CPED1: variants seen among roughly 807,000 people sequenced by gnomAD.
The protein encoded by CPED1 is cadherin like and PC-esterase domain containing 1.
CPED1 carries 114 observed loss-of-function variants against 128.2 expected under a neutral mutation model. The observed-to-expected ratio is 0.89, with a 90% confidence interval of 0.76 to 1.04. The LOEUF (loss-of-function observed/expected upper bound fraction) is 1.04. Among genes scored for constraint, CPED1 ranks in the 50% least tolerant of loss-of-function variants. CPED1 has a pLI of 0.00. For missense variants in CPED1, 1,211 were observed against 1,207.1 expected (o/e 1.00, Z -0.05); for synonymous variants, 462 against 426.7 (o/e 1.08, Z -1.02).
chr7:121,256,124 C>CAAAAAAAAA (rs1333114209), intron 18 of CPED1, among the ~76,000 whole-genome samples: 1 of 45,334 alleles, frequency 2.2e-5, no homozygotes, highest in Non-Finnish European at 5.2e-5. Context: ...AAAAAAAAAA[C>CAAAAAAAAA]AAAACAAAAA....
rs1562858235 is a variant in CPED1 at position 121,271,342 on chromosome 7, A to G, written c.2780A>G (p.His927Arg). The G allele has an allele frequency of 6.2e-7, 1 of 1,612,544 alleles. No homozygotes were observed. Among genetic ancestry groups the G allele is most frequent in the Non-Finnish European group, 8.5e-7 (1 of 1,178,884 alleles). ...NLIILDTAKK[H>R]GYEVVDTFTI... ...ATTATTCTGGATACTGCAAAAAAAC[A>G]TGGCTATGAAGTAGTTGACACATTC... is the stretch of plus-strand genomic sequence containing the variant. The change falls in exon 22 of 23, where the codon CAT becomes CGT. Residue 927 changes from histidine to arginine, a missense_variant. By Grantham distance (29) the His-to-Arg change is conservative. Coordinates refer to ENST00000310396, the MANE Select transcript of CPED1 (RefSeq NM_024913.5).
intron 22 of CPED1, among the ~76,000 whole-genome samples, chr7:121,285,375 G>A (rs1792544330): frequency 2.0e-5 from 3 of 152,190 alleles, no homozygotes; most frequent in Admixed American, 6.5e-5. Flanking sequence ...CATTGTCTTG[G>A]TGATTAACAC....
At chr7:121,028,473 A>T (rs1023410233) in intron 3 of CPED1, among the ~76,000 whole-genome samples, 4 of 152,224 alleles carry the variant, frequency 2.6e-5, no homozygotes, top group Non-Finnish European at 4.4e-5. Flanking sequence ...ATTAATTATG[A>T]GTTGACTTGC....
At chr7:121,051,097 G>A (rs1793341157) in intron 4 of CPED1, 1 of 525,356 alleles carries the variant, frequency 1.9e-6, no homozygotes, top group Non-Finnish European at 3.8e-6. Context: ...ACAGGCCAAA[G>A]TGGCAAACCA....
At chr7:120,998,180 C>T (rs1170094602) in intron 2 of CPED1, among the ~76,000 whole-genome samples, 1 of 152,100 alleles carries the variant, frequency 6.6e-6, no homozygotes, top group Non-Finnish European at 1.5e-5. Context: ...TTTCAGGCTT[C>T]TAGCCTCCAG....
intron 16 of CPED1, among the ~76,000 whole-genome samples, chr7:121,202,240 T>C (rs1797416899): frequency 6.6e-6 from 1 of 152,124 alleles, no homozygotes; most frequent in Non-Finnish European, 1.5e-5. Context: ...ACTCTGCTGG[T>C]TTACACTTGG....
chr7:121,127,205 T>C lies in CPED1; in HGVS notation c.1250T>C (p.Leu417Pro). 1 of 1,593,406 alleles carries C rather than the reference T, an allele frequency of 6.3e-7. No individual in the cohort carries two copies. Among genetic ancestry groups the C allele is most frequent in the Non-Finnish European group, 8.6e-7 (1 of 1,163,404 alleles). The part of the protein sequence containing the change: ...FNFLFPNESS[L>P]SIFSEIFQRL... ...TTTCTCTTCCCTAATGAATCATCACTTTCCATATTTTCTGAGATATTTCAG... is the reference window on the plus strand; with the variant it reads ...TTTCTCTTCCCTAATGAATCATCACCTTCCATATTTTCTGAGATATTTCAG... The change falls in exon 10 of 23, where the codon CTT becomes CCT. Residue 417 changes from leucine to proline, a missense_variant. Coordinates refer to ENST00000310396, the MANE Select transcript of CPED1 (RefSeq NM_024913.5).
intron 16 of CPED1, among the ~76,000 whole-genome samples, chr7:121,150,052 A>G (rs1796121058): frequency 6.6e-6 from 1 of 152,044 alleles, no homozygotes; most frequent in Admixed American, 6.6e-5. Flanking sequence ...TTTTGTTTTC[A>G]TGATTTCAGC....
intron 16 of CPED1, among the ~76,000 whole-genome samples, chr7:121,234,263 C>T (rs1256205307): frequency 6.6e-6 from 1 of 151,974 alleles, no homozygotes; most frequent in African/African-American, 2.4e-5. Context: ...TTCTCCTCTC[C>T]CCAGCCTTCA....
intron 16 of CPED1, 59 bp from the exon 17 acceptor site, chr7:121,236,655 T>A: frequency 9.5e-7 from 1 of 1,054,346 alleles, no homozygotes; most frequent in Non-Finnish European, 1.4e-6. Flanking sequence ...TTTTTTAGAT[T>A]TTATTATTAT....
At chr7:121,138,012 T>C (rs147482664) in intron 14 of CPED1, among the ~76,000 whole-genome samples, 122 of 151,950 alleles carry the variant, frequency 8.0e-4, no homozygotes, top group African/African-American at 2.7e-3. Flanking sequence ...ATATGTTAGA[T>C]AGGCACTTTA....
At chr7:121,144,395 G>T (rs113053307) in intron 16 of CPED1, among the ~76,000 whole-genome samples, 98 of 152,176 alleles carry the variant, frequency 6.4e-4, no homozygotes, top group African/African-American at 2.1e-3. Flanking sequence ...AGCATGGATG[G>T]AACTGGAAGA....
intron 5 of CPED1, among the ~76,000 whole-genome samples, chr7:121,087,373 T>C (rs147923662): frequency 9.5e-4 from 144 of 152,312 alleles, no homozygotes; most frequent in Middle Eastern, 3.4e-3. Flanking sequence ...CAAACTGATA[T>C]AGATTAATAA....
rs138079950 is a variant in CPED1 at position 121,092,866 on chromosome 7, A to C, written c.617-4833A>C. Among the ~76,000 whole-genome samples the C allele has an allele frequency of 2.9e-3, 436 of 152,310 alleles. 3 individuals are homozygous for C. The highest frequency in any genetic ancestry group is 0.01 in the African/African-American group (416 of 41,578). On this transcript the variant is annotated intron_variant, in intron 5 of 22. Transcript: ENST00000310396. ...GAGACCCTGGCCACTTATCTTCTCC[A>C]TTAGGCCATTTATAGCACATATTTA... is the stretch of plus-strand genomic sequence containing the variant.
At chr7:121,198,898 A>C (rs1797327129) in intron 16 of CPED1, among the ~76,000 whole-genome samples, 1 of 152,076 alleles carries the variant, frequency 6.6e-6, no homozygotes, top group Admixed American at 6.6e-5. Context: ...TCTGAAGCAA[A>C]TGTGATAATA....
At chr7:120,996,848 C>T (rs759801721) in intron 2 of CPED1, among the ~76,000 whole-genome samples, 3 of 152,184 alleles carry the variant, frequency 2.0e-5, no homozygotes, top group Non-Finnish European at 2.9e-5. Context: ...CCTGCATATT[C>T]TAGGCAGTCT....
At chr7:121,087,815 A>G (rs1396617856) in intron 5 of CPED1, among the ~76,000 whole-genome samples, 1 of 151,516 alleles carries the variant, frequency 6.6e-6, no homozygotes, top group Non-Finnish European at 1.5e-5. Context: ...GCCCACCACC[A>G]TGCCTGGCTA....
intron 22 of CPED1, among the ~76,000 whole-genome samples, chr7:121,280,594 T>G (rs1212122969): frequency 6.6e-6 from 1 of 152,086 alleles, no homozygotes; most frequent in African/African-American, 2.4e-5. Flanking sequence ...TGCCCCCTAA[T>G]CCCCAGCATC....
At chr7:121,281,938 C>A (rs1792473099) in intron 22 of CPED1, among the ~76,000 whole-genome samples, 2 of 152,078 alleles carry the variant, frequency 1.3e-5, no homozygotes, top group Non-Finnish European at 2.9e-5. Flanking sequence ...TTCAATGTAG[C>A]AAATTCACAA....
Sources: allele counts gnomAD v4.1 joint callset (sites outside exome capture counted in the v4.1 genomes callset), GRCh38; gene constraint gnomAD v4.1.1; transcripts MANE v1.5; gene names NCBI Gene and HGNC (gene_info 2026-07-23, HGNC 2026-07-21).